KIAA1217: variants seen among roughly 807,000 people sequenced by gnomAD.
The protein encoded by KIAA1217 is sickle tail protein homolog.
A neutral mutation model predicts 163.9 loss-of-function variants in KIAA1217; 88 were observed. That is an observed-to-expected ratio of 0.54 (90% CI 0.45 to 0.64). The LOEUF (loss-of-function observed/expected upper bound fraction) is 0.64. Among genes scored for constraint, KIAA1217 ranks in the 30% least tolerant of loss-of-function variants. The pLI is 0.00. For synonymous variants in KIAA1217, 903 were observed against 923.1 expected (o/e 0.98, Z 0.39); for missense variants, 2,372 against 2,475.0 (o/e 0.96, Z 0.88).
Position 24,158,069 on chromosome 10 carries a change from G to C in KIAA1217, c.-170-61557G>C. On this transcript the variant is annotated intron_variant, in intron 2 of 18. Transcript: ENST00000376462. The stretch of plus-strand genomic sequence containing the variant: ...GTCACCACCACAACCAGTTTTACTA[G>C]CTCATAAAGATAAAAGTGGCGCTCC... The C allele has an allele frequency of 1.2e-5, 9 of 755,316 alleles. No individual in the cohort carries two copies. In the Admixed American group the frequency reaches 1.4e-4, roughly 12 times the overall value. The allele number at this position is 755,316 out of a possible 1,614,324, so 46.8% of individuals were successfully genotyped here.
Position 23,798,674 on chromosome 10 carries a change from T to G in KIAA1217, c.-321+103440T>G, listed in dbSNP as rs191011330. Among the ~76,000 whole-genome samples, 47 of 152,276 alleles carry G rather than the reference T, an allele frequency of 3.1e-4. No homozygotes were observed. In the East Asian group the frequency reaches 8.9e-3, roughly 29 times the overall value. On this transcript the variant is annotated intron_variant, in intron 1 of 18. Transcript: ENST00000376462. ...AAAACTAGAAAAGAAAGGAAAGATT[T>G]TGTCCCCTAAAATATTCTGAAATGT...
chr10:24,253,081 G>A (rs148442099), intron 2 of KIAA1217, among the ~76,000 whole-genome samples: 1,611 of 152,214 alleles, frequency 0.011, 16 homozygotes, highest in Non-Finnish European at 0.015. Context: ...GAGTTTTTTG[G>A]GAAGAGGTGC....
At chr10:24,366,548 G>A (rs2050809041) in intron 2 of KIAA1217, among the ~76,000 whole-genome samples, 1 of 152,178 alleles carries the variant, frequency 6.6e-6, no homozygotes, top group African/African-American at 2.4e-5. Context: ...CACACTCCAG[G>A]GTCCACCAGG....
chr10:24,295,791 A>G (rs954901067), intron 2 of KIAA1217, among the ~76,000 whole-genome samples: 8 of 152,142 alleles, frequency 5.3e-5, no homozygotes, highest in Non-Finnish European at 1.0e-4. Flanking sequence ...TCACTAAGAA[A>G]TCAACCTAAA....
chr10:23,772,722 A>AT (rs1325742684), intron 1 of KIAA1217, among the ~76,000 whole-genome samples: 23 of 152,146 alleles, frequency 1.5e-4, no homozygotes. Flanking sequence ...AATGCCAGCA[A>AT]TTTTTTCACT....
At chr10:24,022,266 C>A (rs1219182407) in intron 2 of KIAA1217, among the ~76,000 whole-genome samples, 6 of 151,344 alleles carry the variant, frequency 4.0e-5, no homozygotes, top group African/African-American at 1.2e-4. Flanking sequence ...ATTAAAAAAA[C>A]CACACAACTC....
intron 2 of KIAA1217, among the ~76,000 whole-genome samples, chr10:24,246,519 A>T (rs1275460354): frequency 6.6e-6 from 1 of 152,256 alleles, no homozygotes; most frequent in Non-Finnish European, 1.5e-5. Context: ...GTACGTTCAG[A>T]GAATACAGTT....
At chr10:23,834,364 G>T (rs956626251) in intron 1 of KIAA1217, among the ~76,000 whole-genome samples, 1 of 152,118 alleles carries the variant, frequency 6.6e-6, no homozygotes, top group African/African-American at 2.4e-5. Flanking sequence ...AAATAAAGGT[G>T]CAGCACCCAA....
intron 6 of KIAA1217, among the ~76,000 whole-genome samples, chr10:24,476,827 G>C (rs189396904): frequency 6.6e-6 from 1 of 151,764 alleles, no homozygotes; most frequent in Non-Finnish European, 1.5e-5. Flanking sequence ...GACACACAGA[G>C]ACACACACAT....
At chr10:23,836,067 T>C (rs1838433207) in intron 1 of KIAA1217, among the ~76,000 whole-genome samples, 1 of 152,190 alleles carries the variant, frequency 6.6e-6, no homozygotes, top group South Asian at 2.1e-4. Context: ...ATTTCTATTA[T>C]TCTTGGAAAT....
intron 2 of KIAA1217, among the ~76,000 whole-genome samples, chr10:24,103,568 A>T (rs966951001): frequency 1.3e-5 from 2 of 152,310 alleles, no homozygotes; most frequent in Admixed American, 1.3e-4. Flanking sequence ...AGACAACCCA[A>T]TTTAAAAGTG....
intron 2 of KIAA1217, among the ~76,000 whole-genome samples, chr10:24,155,458 A>G (rs2064830779): frequency 6.6e-6 from 1 of 152,200 alleles, no homozygotes; most frequent in African/African-American, 2.4e-5. Flanking sequence ...CTAAAATGAC[A>G]CAGCAAATCA....
chr10:24,346,346 C>T (rs1221086689), intron 2 of KIAA1217, among the ~76,000 whole-genome samples: 6 of 151,686 alleles, frequency 4.0e-5, no homozygotes, highest in Non-Finnish European at 8.8e-5. Flanking sequence ...GTGGCGGGCA[C>T]CTGCAGTCCC....
intron 2 of KIAA1217, among the ~76,000 whole-genome samples, chr10:24,235,898 C>G (rs1424279281): frequency 6.6e-6 from 1 of 152,156 alleles, no homozygotes. Flanking sequence ...TAGTTAGGCT[C>G]TTAGTATCCC....
At chr10:24,092,757 G>T (rs12243658) in intron 2 of KIAA1217, among the ~76,000 whole-genome samples, 11,593 of 151,822 alleles carry the variant, frequency 0.076, 809 homozygotes, top group Middle Eastern at 0.16. Context: ...AGACAGAAGA[G>T]TGAACTACTA....
chr10:24,227,243 T>C (rs2070709775), intron 2 of KIAA1217, among the ~76,000 whole-genome samples: 1 of 151,800 alleles, frequency 6.6e-6, no homozygotes, highest in African/African-American at 2.4e-5. Flanking sequence ...CTGCAACCTC[T>C]GCCTCCTGGG....
intron 1 of KIAA1217, among the ~76,000 whole-genome samples, chr10:24,004,083 G>A (rs372183043): frequency 1.3e-5 from 2 of 152,162 alleles, no homozygotes; most frequent in African/African-American, 4.8e-5. Flanking sequence ...GGTTCCAAGC[G>A]ATTCTCCTGC....
At chr10:24,516,412 T>G (rs1172966302) in intron 10 of KIAA1217, among the ~76,000 whole-genome samples, 3 of 152,240 alleles carry the variant, frequency 2.0e-5, no homozygotes, top group Non-Finnish European at 4.4e-5. Context: ...ATTGGAAGAT[T>G]CTGTAAGAGA....
intron 2 of KIAA1217, among the ~76,000 whole-genome samples, chr10:24,164,421 G>A (rs1212424348): frequency 6.6e-6 from 1 of 152,138 alleles, no homozygotes; most frequent in African/African-American, 2.4e-5. Context: ...ATCTACTGGT[G>A]TACCTGTTTC....
Sources: gnomAD v4.1 joint callset for allele counts (sites outside exome capture counted in the v4.1 genomes callset) on GRCh38, gnomAD v4.1.1 for gene constraint, MANE v1.5 for transcripts, NCBI Gene and HGNC (gene_info 2026-07-23, HGNC 2026-07-21) for gene names.